The following LRRC39 variants were observed in gnomAD, a reference collection of about 807,000 sequenced individuals.
LRRC39 encodes leucine rich repeat containing 39, also known as leucine-rich repeat-containing protein 39.
A neutral mutation model predicts 39.7 loss-of-function variants in LRRC39; 35 were observed. The ratio of observed to expected loss-of-function variants is 0.88; its 90% CI spans 0.67 to 1.17. The LOEUF is 1.17. Ranked by LOEUF, LRRC39 falls within the 50% of genes most tolerant of loss-of-function variation. The probability of loss-of-function intolerance (pLI) is 0.00; values close to 1 mark genes in which losing one functional copy is unlikely to be tolerated. For synonymous variants in LRRC39, 113 were observed against 134.1 expected, an observed-to-expected ratio of 0.84 and a Z score of 1.09; for missense variants, 357 against 385.8, an observed-to-expected ratio of 0.93 and a Z score of 0.62.
intron 4 of LRRC39, 142 bp from the exon 5 acceptor site, chr1:100,159,557 C>T: frequency 4.8e-6 from 2 of 416,204 alleles, no homozygotes; most frequent in South Asian, 1.1e-4. Flanking sequence ...TTTCCAAGTG[C>T]TTTGTGTGAC....
intron 2 of LRRC39, among the ~76,000 whole-genome samples, chr1:100,172,785 C>T (rs1314145575): frequency 6.6e-6 from 1 of 152,016 alleles, no homozygotes; most frequent in Non-Finnish European, 1.5e-5. Context: ...ATGGTGAAAC[C>T]CTGTCTCTAC....
At chr1:100,170,782 G>C (rs1659547392) in intron 2 of LRRC39, among the ~76,000 whole-genome samples, 1 of 151,802 alleles carries the variant, frequency 6.6e-6, no homozygotes, top group Non-Finnish European at 1.5e-5. Flanking sequence ...GGCGGGATAT[G>C]ACTCTCTGCA....
chr1:100,167,779 AATAATAATAAT>A (rs1659345079), intron 3 of LRRC39, among the ~76,000 whole-genome samples: 1 of 6,392 alleles, frequency 1.6e-4, no homozygotes, highest in African/African-American at 1.1e-3. Flanking sequence ...CCATTTCAAA[AATAATAATAAT>A]AATAATAATA....
intron 2 of LRRC39, among the ~76,000 whole-genome samples, chr1:100,171,132 GA>G (rs1659570110): frequency 1.3e-5 from 2 of 152,078 alleles, no homozygotes; most frequent in Non-Finnish European, 2.9e-5. Context: ...AAAAATCAAG[GA>G]ATCCAGAACT....
intron 4 of LRRC39, among the ~76,000 whole-genome samples, chr1:100,159,747 A>G (rs535525041): frequency 3.0e-4 from 46 of 151,804 alleles, no homozygotes; most frequent in African/African-American, 8.9e-4. Flanking sequence ...CCTAAAGTAC[A>G]TATATGTTAT....
intron 8 of LRRC39, among the ~76,000 whole-genome samples, chr1:100,153,219 C>T (rs569418335): frequency 3.3e-5 from 5 of 152,206 alleles, no homozygotes; most frequent in Admixed American, 3.3e-4. Context: ...ATTTTGTTAT[C>T]GAAGTTTTGG....
At chr1:100,166,019 CGTGA>C (rs1557927615) in intron 3 of LRRC39, among the ~76,000 whole-genome samples, 140 of 152,050 alleles carry the variant, frequency 9.2e-4, no homozygotes, top group African/African-American at 3.3e-3. Context: ...GGATTACAGG[CGTGA>C]GCCACCATGT....
In LRRC39 at chr1:100,160,498, C is replaced by T. The variant is rs763730162; in HGVS notation, c.187G>A (p.Val63Ile). 32 of 1,613,760 alleles carry T rather than the reference C, an allele frequency of 2.0e-5. No homozygotes were observed. The highest frequency in any genetic ancestry group is 2.5e-5 in the Non-Finnish European group (30 of 1,179,870). The stretch of plus-strand genomic sequence containing the variant: ...TCCTCTTTTTCTATCTTCAAAATGA[C>T]TCTTCCATCTTCCCTGGTGACCTTT... ...REKVTREDGR[V>I]ILKIEKEEWK... Residue 63 changes from valine to isoleucine, a missense_variant, in exon 4 of 10, where the codon GTC becomes ATC. By Grantham distance (29) the Val-to-Ile change is conservative. Coordinates refer to ENST00000370137, the MANE Select transcript of LRRC39 (RefSeq NM_144620.4).
chr1:100,159,604 TCC>T (rs199617128), intron 4 of LRRC39, among the ~76,000 whole-genome samples, 189 bp from the exon 5 acceptor site: 88,513 of 109,742 alleles, frequency 0.81, 34,075 homozygotes, highest in South Asian at 0.89. Flanking sequence ...TTTTTTCTTT[TCC>T]TTTTTTTTTT....
chr1:100,155,388 G>A (rs1163811600), intron 7 of LRRC39, among the ~76,000 whole-genome samples, 185 bp from the exon 8 acceptor site: 1 of 152,098 alleles, frequency 6.6e-6, no homozygotes, highest in Non-Finnish European at 1.5e-5. Context: ...GTGAGCCACT[G>A]CACCCAGCCT....
intron 2 of LRRC39, among the ~76,000 whole-genome samples, chr1:100,170,157 G>A (rs1570778359): frequency 6.6e-6 from 1 of 152,092 alleles, no homozygotes; most frequent in East Asian, 1.9e-4. Context: ...AAACAGAAAT[G>A]AAAACATATG....
At chr1:100,162,032 G>A (rs112459890) in intron 3 of LRRC39, among the ~76,000 whole-genome samples, 528 of 152,174 alleles carry the variant, frequency 3.5e-3, no homozygotes, top group Non-Finnish European at 6.1e-3. Context: ...TCAAGGTTCT[G>A]ATTTATTCAC....
chr1:100,154,050 C>T (rs1658270157), intron 8 of LRRC39, among the ~76,000 whole-genome samples: 1 of 151,578 alleles, frequency 6.6e-6, no homozygotes, highest in Non-Finnish European at 1.5e-5. Context: ...ATGTCATCAA[C>T]AGAGGACATT....
At chr1:100,172,634 G>A (rs1477443148) in intron 2 of LRRC39, among the ~76,000 whole-genome samples, 2 of 150,544 alleles carry the variant, frequency 1.3e-5, no homozygotes, top group Non-Finnish European at 3.0e-5. Context: ...ACCAGCCTAG[G>A]CAACACAGTG....
At chr1:100,160,924 A>C (rs990912560) in intron 3 of LRRC39, among the ~76,000 whole-genome samples, 1 of 151,966 alleles carries the variant, frequency 6.6e-6, no homozygotes, top group Non-Finnish European at 1.5e-5. Flanking sequence ...GCGCCCAGCC[A>C]CTTTTATATA....
At chr1:100,158,650 A>G (rs1008852527) in intron 5 of LRRC39, among the ~76,000 whole-genome samples, 5 of 151,896 alleles carry the variant, frequency 3.3e-5, no homozygotes, top group Non-Finnish European at 7.4e-5. Flanking sequence ...GTTAGCCAGG[A>G]TGGTCGCGAT....
intron 9 of LRRC39, among the ~76,000 whole-genome samples, chr1:100,151,355 C>G (rs1657996764): frequency 6.6e-6 from 1 of 151,984 alleles, no homozygotes; most frequent in Non-Finnish European, 1.5e-5. Context: ...CTCTGCTTTC[C>G]AAAACTAGGT....
At position 100,148,926 on chromosome 1, in the gene LRRC39, TA is replaced by T; in HGVS notation, c.*115del. On this transcript the variant is annotated 3_prime_UTR_variant, in exon 10 of 10. Coordinates refer to ENST00000370137, the MANE Select transcript of LRRC39 (RefSeq NM_144620.4). ...TTTAAATAGCAAATAATATGAACTT[TA>T]AAAAATGCTGTGGCCTCATTAAACT... 8.7e-7 allele frequency: 1 copy of T among 1,144,146 alleles called. No homozygotes were observed. The highest frequency in any genetic ancestry group is 1.2e-6 in the Non-Finnish European group (1 of 857,522). 70.9% of individuals were successfully genotyped at this position (1,144,146 alleles called of 1,614,324 possible). A position where few individuals can be genotyped will look rare whatever the true frequency, so the allele number is the denominator to read the frequency against.
In LRRC39 at chr1:100,152,417, T is replaced by A; in HGVS notation, c.920A>T (p.His307Leu). 1.2e-6 allele frequency: 2 copies of A among 1,614,086 alleles called. No individual in the cohort carries two copies. The highest frequency in any genetic ancestry group is 1.7e-6 in the Non-Finnish European group (2 of 1,179,996). ...ERELFGLQFM[H>L]TYIQESRRRA... ...TCTCCGTGACTCTTGTATGTATGTG[T>A]GCATAAACTGAAGGCCAAATAATTC... Residue 307 changes from histidine to leucine, a missense_variant, in exon 9 of 10, where the codon CAC becomes CTC. Coordinates refer to ENST00000370137, the MANE Select transcript of LRRC39 (RefSeq NM_144620.4).
Sources: gnomAD v4.1 joint callset for allele counts (sites outside exome capture counted in the v4.1 genomes callset) on GRCh38, gnomAD v4.1.1 for gene constraint, MANE v1.5 for transcripts, NCBI Gene and HGNC (gene_info 2026-07-23, HGNC 2026-07-21) for gene names.